The following ARMC9 variants were observed in gnomAD, a reference collection of about 807,000 sequenced individuals.
ARMC9 encodes the protein lisH domain-containing protein ARMC9.
A neutral mutation model predicts 107.0 loss-of-function variants in ARMC9; 94 were observed. The ratio of observed to expected loss-of-function variants is 0.88; its 90% CI spans 0.74 to 1.04. The LOEUF (loss-of-function observed/expected upper bound fraction) is 1.04, where lower values mean the gene tolerates loss of function less well. ARMC9 is among the 50% of genes least tolerant of loss of function. The pLI is 0.00. For synonymous variants in ARMC9, 380 were observed against 396.9 expected (o/e 0.96, Z 0.51); for missense variants, 942 against 1,030.1 (o/e 0.91, Z 1.17).
intron 22 of ARMC9, among the ~76,000 whole-genome samples, chr2:231,357,686 C>T (rs1329029001): frequency 6.6e-6 from 1 of 152,230 alleles, no homozygotes; most frequent in African/African-American, 2.4e-5. Flanking sequence ...GATCCTCCCG[C>T]ATCAGCTTCC....
At chr2:231,242,970 G>C (rs1030761787) in intron 9 of ARMC9, among the ~76,000 whole-genome samples, 2 of 152,140 alleles carry the variant, frequency 1.3e-5, no homozygotes, top group African/African-American at 4.8e-5. Flanking sequence ...AATTAGGCCA[G>C]GCGTGGTGGC....
intron 22 of ARMC9, among the ~76,000 whole-genome samples, chr2:231,357,104 G>A (rs2045373300): frequency 1.3e-5 from 2 of 152,156 alleles, no homozygotes; most frequent in Non-Finnish European, 2.9e-5. Flanking sequence ...AATGGCCAAG[G>A]AGCAGCTGCT....
chr2:231,328,112 T>C (rs1003166601), intron 19 of ARMC9, among the ~76,000 whole-genome samples: 1 of 152,210 alleles, frequency 6.6e-6, no homozygotes, highest in Admixed American at 6.5e-5. Context: ...AGGCATGTAG[T>C]GATATCTCAT....
chr2:231,214,846 G>A lies in ARMC9; in HGVS notation c.193G>A (p.Ala65Thr). 1 of 1,614,076 alleles carries A rather than the reference G, an allele frequency of 6.2e-7. No individual in the cohort carries two copies. The change falls in exon 4 of 25, where the codon GCA (alanine) becomes ACA (threonine). Residue 65 changes from alanine to threonine, a missense_variant. By Grantham distance (58) the Ala-to-Thr change is moderately conservative. Coordinates refer to ENST00000611582, the MANE Select transcript of ARMC9 (RefSeq NM_001352754.2). Reference protein sequence around the residue: ...SLTIQKDLVAAFDNGDQKVFF... With the variant: ...SLTIQKDLVATFDNGDQKVFF... Reference sequence around the variant, plus strand: ...TTCTCCACAGAAGGATCTTGTCGCTGCATTTGACAACGGAGACCAGAAGGT... The same window carrying A: ...TTCTCCACAGAAGGATCTTGTCGCTACATTTGACAACGGAGACCAGAAGGT...
chr2:231,340,780 C>T (rs1441396735), intron 20 of ARMC9, among the ~76,000 whole-genome samples: 5 of 151,990 alleles, frequency 3.3e-5, no homozygotes, highest in Non-Finnish European at 7.4e-5. Flanking sequence ...CCCAGCTACT[C>T]GGGAAGCTGA....
At chr2:231,347,426 G>A (rs1043983466) in intron 21 of ARMC9, among the ~76,000 whole-genome samples, 3 of 151,704 alleles carry the variant, frequency 2.0e-5, no homozygotes, top group Admixed American at 2.0e-4. Flanking sequence ...GGTGGTCAAT[G>A]GAATGCAGTG....
Position 231,374,369 on chromosome 2 carries a change from G to C in ARMC9, c.*2834G>C, listed in dbSNP as rs1459669042. ...TACCTCACATCTTCTGGTTTCTTCT[G>C]AGTGGGACTTGATCTCATTTCTGCA... On this transcript the variant is annotated 3_prime_UTR_variant, in exon 25 of 25. Coordinates refer to ENST00000611582, the MANE Select transcript of ARMC9 (RefSeq NM_001352754.2). 6.6e-6 allele frequency: 1 copy of C among 152,116 alleles called. No individual in the cohort carries two copies. Among genetic ancestry groups the C allele is most frequent in the Non-Finnish European group, 1.5e-5 (1 of 68,058 alleles). 9.4% of individuals were successfully genotyped at this position (152,116 alleles called of 1,614,324 possible).
chr2:231,344,900 T>C, intron 20 of ARMC9, 75 bp from the exon 21 acceptor site: 1 of 1,374,798 alleles, frequency 7.3e-7, no homozygotes, highest in South Asian at 1.2e-5. Flanking sequence ...GTTTATTCAG[T>C]GTATTCTGCT....
At chr2:231,206,860 C>T (rs1016107635) in intron 2 of ARMC9, among the ~76,000 whole-genome samples, 1 of 152,192 alleles carries the variant, frequency 6.6e-6, no homozygotes, top group African/African-American at 2.4e-5. Context: ...AAATGGTTCG[C>T]GCTTGCTGCT....
At position 231,374,553 on chromosome 2, in the gene ARMC9, ATAAAAT is replaced by A. The variant is rs2046138486; in HGVS notation, c.*3019_*3024del. The A allele has an allele frequency of 6.6e-6, 1 of 151,646 alleles. No homozygotes were observed. Among genetic ancestry groups the A allele is most frequent in the South Asian group, 2.1e-4 (1 of 4,830 alleles). 9.4% of individuals were successfully genotyped at this position (151,646 alleles called of 1,614,324 possible). A position where few individuals can be genotyped will look rare whatever the true frequency, so the allele number is the denominator to read the frequency against. ...AATCAAAAGAGCTAAAAAAAAAATA[ATAAAAT>A]AAAAATAAAAATAAAATAGTTGAAC... On this transcript the variant is annotated 3_prime_UTR_variant, in exon 25 of 25. Coordinates refer to ENST00000611582, the MANE Select transcript of ARMC9 (RefSeq NM_001352754.2).
At chr2:231,268,198 GT>G (rs912296079) in intron 12 of ARMC9, among the ~76,000 whole-genome samples, 1 of 152,160 alleles carries the variant, frequency 6.6e-6, no homozygotes, top group Non-Finnish European at 1.5e-5. Flanking sequence ...GTCACCCTTG[GT>G]TTGGAATGGG....
At chr2:231,367,019 T>G (rs2045847393) in intron 23 of ARMC9, among the ~76,000 whole-genome samples, 1 of 150,774 alleles carries the variant, frequency 6.6e-6, no homozygotes, top group South Asian at 2.1e-4. Context: ...CCTGGCTAAT[T>G]TTTTGTGTTT....
At position 231,375,462 on chromosome 2, in the gene ARMC9, T is replaced by C. The variant is rs1368260803; in HGVS notation, c.*3927T>C. ...CTGCTGCAAGCTACCACATAGATGCTGTTCAGAGCTTTGCAGGACCAAATC... is the reference window on the plus strand; with the variant it reads ...CTGCTGCAAGCTACCACATAGATGCCGTTCAGAGCTTTGCAGGACCAAATC... On this transcript the variant is annotated 3_prime_UTR_variant, in exon 25 of 25. Coordinates refer to ENST00000611582, the MANE Select transcript of ARMC9 (RefSeq NM_001352754.2). The surrounding 1 kb of genome is among the most constrained non-coding windows in gnomAD (Gnocchi z 4.3). 6.6e-6 allele frequency among the ~76,000 whole-genome samples: 1 copy of C among 152,234 alleles called. No homozygotes were observed.
rs1575182636 is a variant in ARMC9 at position 231,360,703 on chromosome 2, T to C, written c.2132-51T>C. 6.5e-7 allele frequency: 1 copy of C among 1,536,030 alleles called. No homozygotes were observed. Among genetic ancestry groups the C allele is most frequent in the Non-Finnish European group, 8.7e-7 (1 of 1,146,846 alleles). On this transcript the variant is annotated intron_variant, in intron 22 of 24. Coordinates refer to ENST00000611582, the MANE Select transcript of ARMC9 (RefSeq NM_001352754.2). The surrounding 1 kb of genome is among the most constrained non-coding windows in gnomAD (Gnocchi z 4.7). ...AACCCAGCCCACGAGAGGGCATCCT[T>C]AGAGGGGCTCCAGAGCAGATGTGGA...
At chr2:231,212,136 C>G (rs549829133) in intron 3 of ARMC9, among the ~76,000 whole-genome samples, 1 of 152,174 alleles carries the variant, frequency 6.6e-6, no homozygotes, top group Admixed American at 6.5e-5. Context: ...AGTAGTGTTA[C>G]GTATGTTTAC....
At chr2:231,312,248 G>A (rs1220815842) in intron 19 of ARMC9, among the ~76,000 whole-genome samples, 2 of 152,138 alleles carry the variant, frequency 1.3e-5, no homozygotes, top group Admixed American at 6.6e-5. Flanking sequence ...TCAGTTCTCC[G>A]CCACGTGACT....
chr2:231,348,473 T>C (rs1314570641), intron 21 of ARMC9, among the ~76,000 whole-genome samples: 1 of 152,236 alleles, frequency 6.6e-6, no homozygotes, highest in Non-Finnish European at 1.5e-5. Context: ...CTGCAAATTA[T>C]GAAACAACTA....
chr2:231,249,760 C>A (rs530211131), intron 9 of ARMC9, among the ~76,000 whole-genome samples: 1 of 152,088 alleles, frequency 6.6e-6, no homozygotes, highest in African/African-American at 2.4e-5. Context: ...AAAAGGGTTG[C>A]GCCTGCATTT....
intron 20 of ARMC9, among the ~76,000 whole-genome samples, chr2:231,341,017 A>G (rs1488996152): frequency 1.3e-5 from 2 of 152,092 alleles, no homozygotes; most frequent in African/African-American, 4.8e-5. Flanking sequence ...AGCCTCAGCA[A>G]CAATAGGAAG....
Sources: gnomAD v4.1 joint callset for allele counts (sites outside exome capture counted in the v4.1 genomes callset) on GRCh38, gnomAD v4.1.1 for gene constraint, Gnocchi (gnomAD v3.1) non-coding constraint, MANE v1.5 for transcripts, NCBI Gene and HGNC (gene_info 2026-07-23, HGNC 2026-07-21) for gene names.